The following GOLGA5 variants were observed in gnomAD, a reference collection of about 807,000 sequenced individuals.
GOLGA5 encodes the protein golgin subfamily A member 5.
In GOLGA5, 50 loss-of-function variants were observed where a neutral mutation model predicts 93.5. That is an observed-to-expected ratio of 0.53 (90% CI 0.43 to 0.68). The LOEUF (loss-of-function observed/expected upper bound fraction) is 0.68. GOLGA5 is among the 30% of genes least tolerant of loss of function. The probability of loss-of-function intolerance (pLI) is 0.00; values close to 1 mark genes in which losing one functional copy is unlikely to be tolerated. For synonymous variants in GOLGA5, 312 were observed against 304.5 expected (o/e 1.02, Z -0.26); for missense variants, 760 against 856.4 (o/e 0.89, Z 1.40).
chr14:92,811,736 A>G lies in GOLGA5; in HGVS notation c.1302A>G (p.Lys434=), dbSNP rs1479216986. 1 of 1,610,514 alleles carries G rather than the reference A, an allele frequency of 6.2e-7. No individual in the cohort carries two copies. The highest frequency in any genetic ancestry group is 1.7e-5 in the Admixed American group (1 of 59,930). The change falls in exon 6 of 13, where the codon AAA becomes AAG. Residue 434 remains lysine, a synonymous_variant. Coordinates refer to ENST00000163416, the MANE Select transcript of GOLGA5 (RefSeq NM_005113.4). ...AGGAATTAATTGACTACAAGCAAAA[A>G]GCTACTAGAATACTGCAAGTAAGCA... The part of the protein sequence containing the change: ...SKQELIDYKQ[K]ATRILQSKEK...
rs1225735273 is a variant in GOLGA5, at chr14:92,810,265, A to T, written c.1004A>T (p.Asp335Val). 6.2e-7 allele frequency: 1 copy of T among 1,602,774 alleles called. No individual in the cohort carries two copies. The highest frequency in any genetic ancestry group is 1.1e-5 in the South Asian group (1 of 89,736). ...GCATTTTCCTTTAGAATAATGCAGG[A>T]TCAAAGTGAAGGTAACAGCCTGCAG... ...LQSEKSRIMQ[D>V]QSEGNSLQNQ... is the part of the protein sequence containing the mutation. The change falls in exon 5 of 13, where the codon GAT becomes GTT. Residue 335 changes from aspartate to valine, a missense_variant. By Grantham distance (152) the Asp-to-Val change is radical (BLOSUM62 -3). Coordinates refer to ENST00000163416, the MANE Select transcript of GOLGA5 (RefSeq NM_005113.4).
chr14:92,824,472 C>A, intron 8 of GOLGA5, 74 bp from the exon 9 acceptor site: 1 of 715,182 alleles, frequency 1.4e-6, no homozygotes. Context: ...ATGTGCCAGG[C>A]ACTGATTTAG....
rs182638115 is a variant in GOLGA5, at chr14:92,833,339, A to T, written c.1937A>T (p.Asn646Ile). The change falls in exon 10 of 13, where the codon AAT (asparagine) becomes ATT (isoleucine). Residue 646 changes from asparagine (N) to isoleucine (I), a missense_variant. Asn to Ile is a moderately radical substitution (Grantham distance 149). Transcript: ENST00000163416. Reference protein sequence around the residue: ...GSSINMSGIDNGEGTRLRNVP... With the variant: ...GSSINMSGIDIGEGTRLRNVP... ...TCGATTAATATGTCTGGAATTGACA[A>T]TGGTGAAGGTAATCAAAAAAGGAAT... is the stretch of plus-strand genomic sequence containing the variant. The T allele has an allele frequency of 6.3e-7, 1 of 1,584,470 alleles. No homozygotes were observed. The highest frequency in any genetic ancestry group is 8.7e-7 in the Non-Finnish European group (1 of 1,153,046).
Position 92,825,243 on chromosome 14 carries a change from AT to A in GOLGA5, c.1719+605del, listed in dbSNP as rs376180520. Among the ~76,000 whole-genome samples the A allele has an allele frequency of 4.6e-5, 7 of 152,264 alleles. No individual in the cohort carries two copies. In the East Asian group the frequency reaches 1.3e-3, roughly 29 times the overall value. ...TAATTTACATAAAGATTGAGTCTTT[AT>A]TTTTTAGTTAATGGCTTAGTTTGAA... On this transcript the variant is annotated intron_variant, in intron 9 of 12. Coordinates refer to ENST00000163416, the MANE Select transcript of GOLGA5 (RefSeq NM_005113.4).
intron 12 of GOLGA5, among the ~76,000 whole-genome samples, chr14:92,838,204 A>G (rs1885686148): frequency 6.6e-6 from 1 of 152,174 alleles, no homozygotes; most frequent in African/African-American, 2.4e-5. Context: ...GCCATTTCGC[A>G]TGTACCGTGT....
At chr14:92,829,600 GA>G (rs1279375853) in intron 9 of GOLGA5, among the ~76,000 whole-genome samples, 2 of 152,216 alleles carry the variant, frequency 1.3e-5, no homozygotes, top group Non-Finnish European at 2.9e-5. Flanking sequence ...AACTTAAACA[GA>G]TGAGGAGTTG....
At position 92,811,547 on chromosome 14, in the gene GOLGA5, A is replaced by T. The variant is rs112256540; in HGVS notation, c.1117-4A>T. On this transcript the variant is annotated splice_region_variant and splice_polypyrimidine_tract_variant and intron_variant, in intron 5 of 12. Transcript: ENST00000163416. Reference sequence around the variant, plus strand: ...ATTAATTATGATATAAAAATTTGTCACAGAGCGAGTTTGCTGCACGCCTTA... The same window carrying T: ...ATTAATTATGATATAAAAATTTGTCTCAGAGCGAGTTTGCTGCACGCCTTA... 2 of 1,593,690 alleles carry T rather than the reference A, an allele frequency of 1.3e-6. No individual in the cohort carries two copies. Among genetic ancestry groups the T allele is most frequent in the Middle Eastern group, 1.7e-4 (1 of 6,034 alleles).
intron 7 of GOLGA5, 106 bp downstream of exon 7, chr14:92,816,527 T>TCTTTG: frequency 2.9e-6 from 2 of 691,108 alleles, no homozygotes; most frequent in Non-Finnish European, 2.4e-6. Context: ...TTCTCGCTTC[T>TCTTTG]CTTCGCTTCG....
intron 9 of GOLGA5, among the ~76,000 whole-genome samples, chr14:92,827,040 CTT>C (rs1491404127): frequency 6.6e-6 from 1 of 151,912 alleles, no homozygotes; most frequent in Non-Finnish European, 1.5e-5. Flanking sequence ...ATAATATTTA[CTT>C]TCTCTCTCTG....
intron 2 of GOLGA5, among the ~76,000 whole-genome samples, chr14:92,799,505 T>C (rs1273493738): frequency 6.6e-6 from 1 of 150,870 alleles, no homozygotes; most frequent in African/African-American, 2.4e-5. Context: ...AGGAGGCTCT[T>C]GATCTCCTGA....
chr14:92,811,979 C>A (rs1251290719), intron 6 of GOLGA5, among the ~76,000 whole-genome samples: 1 of 152,138 alleles, frequency 6.6e-6, no homozygotes, highest in Non-Finnish European at 1.5e-5. Context: ...TAGTTCAGGT[C>A]TTCAACCTGT....
chr14:92,820,213 G>A (rs773236629), intron 8 of GOLGA5, among the ~76,000 whole-genome samples: 8 of 152,188 alleles, frequency 5.3e-5, no homozygotes, highest in East Asian at 1.9e-4. Flanking sequence ...AGAGCAGGGC[G>A]ATAGTGGGGA....
At chr14:92,813,255 C>T (rs1566955815) in intron 6 of GOLGA5, among the ~76,000 whole-genome samples, 1 of 152,208 alleles carries the variant, frequency 6.6e-6, no homozygotes, top group South Asian at 2.1e-4. Flanking sequence ...CACCTAACTA[C>T]TCACTAGGCA....
rs769776684 is a variant in GOLGA5 at position 92,809,335 on chromosome 14, A to G, written c.808A>G (p.Asn270Asp). The stretch of plus-strand genomic sequence containing the variant: ...AGCAAGAGCAAGAGTTGAAAAGTGG[A>G]ATGCTGACCATTCAAAGAGTGATCG... ...NKARARVEKW[N>D]ADHSKSDRMT... The change falls in exon 4 of 13, where the codon AAT (asparagine) becomes GAT (aspartate). Residue 270 changes from asparagine (N) to aspartate (D), a missense_variant. Transcript: ENST00000163416. 2.5e-6 allele frequency: 4 copies of G among 1,613,382 alleles called. No individual in the cohort carries two copies. The South Asian group carries it at 3.3e-5, about 13-fold the overall frequency.
intron 7 of GOLGA5, among the ~76,000 whole-genome samples, chr14:92,817,425 G>A (rs1885233154): frequency 6.6e-6 from 1 of 152,194 alleles, no homozygotes; most frequent in Non-Finnish European, 1.5e-5. Context: ...ATGTGAAGCT[G>A]AGATGTTTTC....
chr14:92,828,831 G>A (rs933988996), intron 9 of GOLGA5, among the ~76,000 whole-genome samples: 1 of 152,124 alleles, frequency 6.6e-6, no homozygotes, highest in African/African-American at 2.4e-5. Flanking sequence ...AGCACACTGG[G>A]CTAATTTTTG....
At chr14:92,804,246 TG>T (rs1487746977) in intron 2 of GOLGA5, among the ~76,000 whole-genome samples, 1 of 152,078 alleles carries the variant, frequency 6.6e-6, no homozygotes, top group African/African-American at 2.4e-5. Flanking sequence ...AAAAATTTTT[TG>T]TAGAGACGAG....
rs1245164779 is a variant in GOLGA5 at position 92,796,831 on chromosome 14, G to A, written c.-30-577G>A. On this transcript the variant is annotated intron_variant, in intron 1 of 12. Transcript: ENST00000163416. ...TAGAAATACAAAAAATTAGCCGGGC[G>A]CGGTGGCGGGTGCCTGTAGTCCCAG... 1.1e-4 allele frequency among the ~76,000 whole-genome samples: 7 copies of A among 64,504 alleles called. 2 individuals are homozygous for A. The highest frequency in any genetic ancestry group is 1.9e-4 in the Non-Finnish European group (7 of 37,134). The allele number at this position is 64,504 out of a possible 152,430, so 42.3% of individuals were successfully genotyped here. A position where few individuals can be genotyped will look rare whatever the true frequency, so the allele number is the denominator to read the frequency against.
intron 9 of GOLGA5, among the ~76,000 whole-genome samples, chr14:92,825,499 C>A (rs986357736): frequency 6.6e-6 from 1 of 152,180 alleles, no homozygotes; most frequent in African/African-American, 2.4e-5. Context: ...TTGGTTTAAT[C>A]CTTTTTCTAT....
Sources: allele counts gnomAD v4.1 joint callset (sites outside exome capture counted in the v4.1 genomes callset), GRCh38; gene constraint gnomAD v4.1.1; transcripts MANE v1.5; gene names NCBI Gene and HGNC (gene_info 2026-07-23, HGNC 2026-07-21).